Variants in TCF7L2 observed in about 807,000 individuals in gnomAD.
TCF7L2 encodes the protein transcription factor 7-like 2.
A neutral mutation model predicts 77.9 loss-of-function variants in TCF7L2; 23 were observed. That is an observed-to-expected ratio of 0.30 (90% confidence interval 0.21 to 0.42). TCF7L2 has a LOEUF of 0.42. Ranked by LOEUF, TCF7L2 falls within the 10% of genes least tolerant of loss-of-function variation. The pLI, the probability that TCF7L2 is intolerant of heterozygous loss-of-function variation, is 1.00. For synonymous variants in TCF7L2, 413 were observed against 340.2 expected, an observed-to-expected ratio of 1.21 and a Z score of -2.36; for missense variants, 654 against 793.1, an observed-to-expected ratio of 0.82 and a Z score of 2.11.
chr10:113,023,197 G>A (rs957908858), intron 4 of TCF7L2, among the ~76,000 whole-genome samples: 1 of 152,186 alleles, frequency 6.6e-6, no homozygotes, highest in Non-Finnish European at 1.5e-5. Context: ...AGGTGCTTGC[G>A]ATTGGCTTTG....
intron 4 of TCF7L2, among the ~76,000 whole-genome samples, chr10:113,011,110 T>C (rs1234491231): frequency 6.6e-6 from 1 of 152,226 alleles, no homozygotes; most frequent in East Asian, 1.9e-4. Flanking sequence ...CCTGCTTTAG[T>C]TGGAGTATCC....
intron 13 of TCF7L2, among the ~76,000 whole-genome samples, chr10:113,164,024 G>GCC (rs2073633274): frequency 6.6e-6 from 1 of 152,202 alleles, no homozygotes; most frequent in African/African-American, 2.4e-5. Context: ...CAGAAAGCTG[G>GCC]CCAGTGCTTA....
At chr10:113,067,783 G>T (rs73360226) in intron 5 of TCF7L2, among the ~76,000 whole-genome samples, 1 of 151,932 alleles carries the variant, frequency 6.6e-6, no homozygotes, top group Non-Finnish European at 1.5e-5. Flanking sequence ...TTTTTTAAGT[G>T]GGGAGGGTTA....
intron 3 of TCF7L2, among the ~76,000 whole-genome samples, chr10:112,953,001 C>A (rs994427080): frequency 6.6e-6 from 1 of 152,112 alleles, no homozygotes; most frequent in Non-Finnish European, 1.5e-5. Flanking sequence ...TTTACACACA[C>A]GACTTTTGTT....
At chr10:113,003,700 T>G (rs924619766) in intron 4 of TCF7L2, among the ~76,000 whole-genome samples, 2 of 152,202 alleles carry the variant, frequency 1.3e-5, no homozygotes, top group African/African-American at 4.8e-5. Context: ...GGGATTCTCA[T>G]GAAATGAAAC....
At chr10:112,990,111 G>A (rs987671102) in intron 4 of TCF7L2, among the ~76,000 whole-genome samples, 2 of 152,148 alleles carry the variant, frequency 1.3e-5, no homozygotes, top group African/African-American at 4.8e-5. Context: ...ACAATTGCCT[G>A]CCTCTCAGGA....
intron 4 of TCF7L2, among the ~76,000 whole-genome samples, chr10:113,008,932 T>A (rs1402839446): frequency 6.6e-6 from 1 of 152,114 alleles, no homozygotes; most frequent in Non-Finnish European, 1.5e-5. Context: ...AAATCTCATC[T>A]TTTTTGTTTT....
At chr10:112,983,810 C>T (rs1484774603) in intron 4 of TCF7L2, among the ~76,000 whole-genome samples, 1 of 152,208 alleles carries the variant, frequency 6.6e-6, no homozygotes, top group Non-Finnish European at 1.5e-5. Context: ...AGTCTGTGCA[C>T]ACAGCATAGG....
intron 4 of TCF7L2, among the ~76,000 whole-genome samples, chr10:113,028,710 A>T (rs1159064657): frequency 1.3e-5 from 2 of 152,132 alleles, no homozygotes; most frequent in African/African-American, 4.8e-5. Flanking sequence ...GTTGTTGTGG[A>T]ATGGGGGAAA....
chr10:113,038,158 C>CT (rs982216817), intron 4 of TCF7L2, among the ~76,000 whole-genome samples: 1 of 152,108 alleles, frequency 6.6e-6, no homozygotes, highest in African/African-American at 2.4e-5. Flanking sequence ...TATTTACTGT[C>CT]TGGGGGCTTG....
chr10:112,996,027 T>G (rs1050625640), intron 4 of TCF7L2, among the ~76,000 whole-genome samples: 6 of 152,254 alleles, frequency 3.9e-5, no homozygotes, highest in African/African-American at 9.6e-5. Context: ...AATTTTGTGC[T>G]CAGCATGGAC....
At chr10:113,123,993 T>A (rs967912976) in intron 5 of TCF7L2, among the ~76,000 whole-genome samples, 1 of 152,186 alleles carries the variant, frequency 6.6e-6, no homozygotes, top group African/African-American at 2.4e-5. Flanking sequence ...TTTGTATGTA[T>A]GTTTGAGATT....
At chr10:113,145,752 G>A (rs1030941270) in intron 7 of TCF7L2, among the ~76,000 whole-genome samples, 2 of 152,178 alleles carry the variant, frequency 1.3e-5, no homozygotes, top group Admixed American at 6.5e-5. Flanking sequence ...AAAACACCTA[G>A]TTTCAGCTTG....
rs1367395067 is a variant in TCF7L2, at chr10:113,151,524, T to C, written c.1002-201T>C. Among the ~76,000 whole-genome samples the C allele has an allele frequency of 6.6e-6, 1 of 152,126 alleles. No homozygotes were observed. Among genetic ancestry groups the C allele is most frequent in the African/African-American group, 2.4e-5 (1 of 41,420 alleles). ...TATTTGTGAAACTTGAGGAAGTGAT[T>C]GCAAAATCCCTCTCTTCCCCCAACC... On this transcript the variant is annotated intron_variant, in intron 9 of 13. Transcript: ENST00000627217. This position sits in a 1 kb window ranked among gnomAD's most constrained non-coding sequence, Gnocchi z 5.2.
At position 113,151,908 on chromosome 10, in the gene TCF7L2, G is replaced by A. The variant is rs200561470; in HGVS notation, c.1161+24G>A. ...GGGTAGGTGACGCCCTTCTCAGGGA[G>A]AAGCGGGGGGCGGGTGGTGAGGGAC... On this transcript the variant is annotated intron_variant, in intron 10 of 13. Transcript: ENST00000627217. This position sits in a 1 kb window ranked among gnomAD's most constrained non-coding sequence, Gnocchi z 5.2. 6.4e-7 allele frequency: 1 copy of A among 1,573,562 alleles called. No individual in the cohort carries two copies. The highest frequency in any genetic ancestry group is 1.2e-5 in the South Asian group (1 of 85,102).
At chr10:112,980,011 A>G (rs769640782) in intron 4 of TCF7L2, among the ~76,000 whole-genome samples, 3 of 152,256 alleles carry the variant, frequency 2.0e-5, no homozygotes, top group Non-Finnish European at 4.4e-5. Flanking sequence ...TGGAAGAAAC[A>G]TATCAGGATG....
At chr10:112,991,730 C>T (rs867996894) in intron 4 of TCF7L2, among the ~76,000 whole-genome samples, 4 of 152,090 alleles carry the variant, frequency 2.6e-5, no homozygotes, top group South Asian at 2.1e-4. Context: ...AGGCCCCTGT[C>T]GGTCTGTTCA....
intron 5 of TCF7L2, among the ~76,000 whole-genome samples, chr10:113,047,668 G>A (rs1224037185): frequency 6.6e-6 from 1 of 151,946 alleles, no homozygotes; most frequent in Non-Finnish European, 1.5e-5. Flanking sequence ...TGTTTTCATG[G>A]CATATTATTG....
intron 5 of TCF7L2, among the ~76,000 whole-genome samples, chr10:113,101,062 C>T (rs375903234): frequency 2.6e-5 from 4 of 151,656 alleles, no homozygotes; most frequent in South Asian, 2.1e-4. Flanking sequence ...GTGACAAGAG[C>T]GAAACTCCGT....
Sources: allele counts gnomAD v4.1 joint callset (sites outside exome capture counted in the v4.1 genomes callset), GRCh38; gene constraint gnomAD v4.1.1; non-coding constraint Gnocchi (gnomAD v3.1); transcripts MANE v1.5; gene names NCBI Gene and HGNC (gene_info 2026-07-23, HGNC 2026-07-21).